Variants in TRDN observed in about 807,000 individuals in gnomAD.
TRDN encodes triadin, also known as triadin in skeletal muscle.
A neutral mutation model predicts 149.7 loss-of-function variants in TRDN; 161 were observed. The observed-to-expected ratio is 1.08, with a 90% CI of 0.95 to 1.23. The LOEUF is 1.23. Among genes scored for constraint, TRDN ranks in the 50% most tolerant of loss-of-function variants. The pLI is 0.00. For missense variants in TRDN, 896 were observed against 823.5 expected (o/e 1.09, Z -1.08); for synonymous variants, 294 against 250.5 (o/e 1.17, Z -1.64).
At chr6:123,636,731 C>T (rs561111855) in intron 1 of TRDN, 23 bp downstream of exon 1, 89 of 1,610,718 alleles carry the variant, frequency 5.5e-5, no homozygotes, top group Admixed American at 1.8e-4. Flanking sequence ...TTACTTGATA[C>T]TATCGGAAAA....
At position 123,382,136 on chromosome 6, in the gene TRDN, T is replaced by C; in HGVS notation, c.1147A>G (p.Thr383Ala). Residue 383 changes from threonine (T) to alanine (A), a missense_variant, in exon 15 of 41, where the codon ACA becomes GCA. Thr to Ala is a moderately conservative substitution (Grantham distance 58). Coordinates refer to ENST00000334268, the MANE Select transcript of TRDN (RefSeq NM_006073.4). Reference protein sequence around the residue: ...KDEKKEDSKKTKKPAEVEQPK... With the variant: ...KDEKKEDSKKAKKPAEVEQPK... ...CCAGTACCTTCTGCAGGTTTTTTTG[T>C]TTTCTTGGAATCTGAAAACACAAAG... 1.3e-6 allele frequency: 2 copies of C among 1,501,410 alleles called. No homozygotes were observed. Among genetic ancestry groups the C allele is most frequent in the Admixed American group, 2.3e-5 (1 of 43,108 alleles). 93.0% of individuals were successfully genotyped at this position (1,501,410 alleles called of 1,614,324 possible). A position where few individuals can be genotyped will look rare whatever the true frequency, so the allele number is the denominator to read the frequency against.
intron 20 of TRDN, among the ~76,000 whole-genome samples, chr6:123,357,588 C>A (rs1034476650): frequency 6.6e-6 from 1 of 152,090 alleles, no homozygotes; most frequent in Admixed American, 6.5e-5. Context: ...TGAGTCTATT[C>A]TATGAATGTT....
At chr6:123,618,856 C>G (rs753261783) in intron 1 of TRDN, among the ~76,000 whole-genome samples, 4 of 152,110 alleles carry the variant, frequency 2.6e-5, no homozygotes, top group Non-Finnish European at 5.9e-5. Flanking sequence ...TTCTTCTCCC[C>G]TCTCTCCTCC....
At chr6:123,391,744 G>A (rs1262948846) in intron 13 of TRDN, among the ~76,000 whole-genome samples, 1 of 151,792 alleles carries the variant, frequency 6.6e-6, no homozygotes, top group African/African-American at 2.4e-5. Context: ...TGTTGTAAAA[G>A]TTAAAAATAA....
At chr6:123,593,975 G>A (rs998548966) in intron 1 of TRDN, among the ~76,000 whole-genome samples, 6 of 152,138 alleles carry the variant, frequency 3.9e-5, no homozygotes, top group African/African-American at 1.2e-4. Flanking sequence ...AATTCCAGAT[G>A]TAGCTGAAAA....
intron 12 of TRDN, among the ~76,000 whole-genome samples, chr6:123,412,965 T>C (rs1416522900): frequency 2.0e-5 from 3 of 152,124 alleles, no homozygotes; most frequent in African/African-American, 4.8e-5. Flanking sequence ...AAATGTTCAA[T>C]AATTCTCTGT....
intron 21 of TRDN, among the ~76,000 whole-genome samples, chr6:123,347,201 T>G (rs1308561761): frequency 6.6e-6 from 1 of 152,048 alleles, no homozygotes; most frequent in Non-Finnish European, 1.5e-5. Context: ...CCTGCCATTG[T>G]ACCAATGAAT....
intron 5 of TRDN, among the ~76,000 whole-genome samples, chr6:123,529,617 A>G (rs1780129223): frequency 6.6e-6 from 1 of 152,082 alleles, no homozygotes; most frequent in Admixed American, 6.6e-5. Context: ...TACTAGCTGC[A>G]ACTGTGGTAT....
At chr6:123,257,266 C>A (rs1240027657) in intron 35 of TRDN, among the ~76,000 whole-genome samples, 3 of 151,402 alleles carry the variant, frequency 2.0e-5, no homozygotes, top group Non-Finnish European at 3.0e-5. Context: ...GCATGAGCAA[C>A]CACGCCCGGC....
At chr6:123,522,522 T>A in intron 5 of TRDN, among the ~76,000 whole-genome samples, 1 of 146,902 alleles carries the variant, frequency 6.8e-6, no homozygotes, top group South Asian at 2.1e-4. Context: ...TTCCTCTTTT[T>A]TTTTTTTTTT....
At chr6:123,413,088 A>G (rs1773508944) in intron 12 of TRDN, among the ~76,000 whole-genome samples, 1 of 152,184 alleles carries the variant, frequency 6.6e-6, no homozygotes, top group South Asian at 2.1e-4. Context: ...AATATAAGAA[A>G]TCAAGATATC....
intron 1 of TRDN, among the ~76,000 whole-genome samples, chr6:123,605,429 A>G (rs1218783446): frequency 1.3e-5 from 2 of 151,820 alleles, no homozygotes; most frequent in African/African-American, 2.4e-5. Context: ...GACATAACAC[A>G]TCAGATGTGT....
chr6:123,589,523 C>A (rs917242439), intron 1 of TRDN, among the ~76,000 whole-genome samples: 44 of 152,260 alleles, frequency 2.9e-4, no homozygotes, highest in Admixed American at 2.6e-3. Context: ...GAATCATGAG[C>A]TTTTCATGAT....
At chr6:123,538,912 C>G (rs185668338) in intron 4 of TRDN, among the ~76,000 whole-genome samples, 6 of 152,172 alleles carry the variant, frequency 3.9e-5, no homozygotes, top group East Asian at 1.9e-4. Context: ...ATAAACCAGA[C>G]AGAAGTACAA....
chr6:123,530,630 T>C, intron 4 of TRDN, 65 bp from the exon 5 acceptor site: 1 of 960,070 alleles, frequency 1.0e-6, no homozygotes, highest in Non-Finnish European at 1.4e-6. Flanking sequence ...GCCATAGCTA[T>C]GACCTAAACT....
chr6:123,422,778 A>C (rs1773963134), intron 12 of TRDN, among the ~76,000 whole-genome samples: 1 of 152,154 alleles, frequency 6.6e-6, no homozygotes, highest in Admixed American at 6.6e-5. Flanking sequence ...AAAAGTCTTC[A>C]GTACTTATTA....
At chr6:123,465,660 C>A (rs1776757893) in intron 9 of TRDN, among the ~76,000 whole-genome samples, 1 of 151,030 alleles carries the variant, frequency 6.6e-6, no homozygotes. Context: ...CTTCTTTATC[C>A]CAAGTGATTT....
At chr6:123,552,092 T>C (rs1781424488) in intron 2 of TRDN, among the ~76,000 whole-genome samples, 1 of 152,142 alleles carries the variant, frequency 6.6e-6, no homozygotes, top group African/African-American at 2.4e-5. Context: ...TCACTCTACC[T>C]TCAGCACTTC....
At chr6:123,613,562 G>A (rs1312123655) in intron 1 of TRDN, among the ~76,000 whole-genome samples, 1 of 152,050 alleles carries the variant, frequency 6.6e-6, no homozygotes, top group Non-Finnish European at 1.5e-5. Context: ...AGCTTGCAGT[G>A]CCTTGTAGAG....
Sources: gnomAD v4.1 joint callset for allele counts (sites outside exome capture counted in the v4.1 genomes callset) on GRCh38, gnomAD v4.1.1 for gene constraint, MANE v1.5 for transcripts, NCBI Gene and HGNC (gene_info 2026-07-23, HGNC 2026-07-21) for gene names.